CLSTN2: variants seen among roughly 807,000 people sequenced by gnomAD.
CLSTN2 encodes the protein calsyntenin-2.
A neutral mutation model predicts 101.2 loss-of-function variants in CLSTN2; 48 were observed. That is an observed-to-expected ratio of 0.47 (90% confidence interval 0.38 to 0.60). CLSTN2 has a LOEUF of 0.60. Among genes scored for constraint, CLSTN2 ranks in the 20% least tolerant of loss-of-function variants. The pLI is 0.00. For synonymous variants in CLSTN2, 481 were observed against 463.6 expected (o/e 1.04, Z -0.48); for missense variants, 1,160 against 1,238.2 (o/e 0.94, Z 0.95).
intron 2 of CLSTN2, among the ~76,000 whole-genome samples, chr3:140,318,883 CA>C (rs1216917237): frequency 4.6e-5 from 7 of 152,168 alleles, no homozygotes; most frequent in Non-Finnish European, 7.3e-5. Flanking sequence ...ATCCATCCTG[CA>C]AAACAATCTG....
intron 1 of CLSTN2, among the ~76,000 whole-genome samples, chr3:140,037,303 A>G (rs2007673194): frequency 6.6e-6 from 1 of 152,188 alleles, no homozygotes; most frequent in Non-Finnish European, 1.5e-5. Flanking sequence ...TACTTCCTCC[A>G]TAAATATGTA....
intron 2 of CLSTN2, among the ~76,000 whole-genome samples, chr3:140,358,595 G>GGGTC (rs2087697392): frequency 1.1e-4 from 16 of 152,172 alleles, no homozygotes; most frequent in Admixed American, 9.2e-4. Flanking sequence ...TTGCATATTT[G>GGGTC]AATCTCTGCA....
At chr3:140,065,893 A>G (rs930637605) in intron 1 of CLSTN2, among the ~76,000 whole-genome samples, 1 of 152,200 alleles carries the variant, frequency 6.6e-6, no homozygotes, top group Non-Finnish European at 1.5e-5. Context: ...TTAATTTAAT[A>G]TGATCTGCCC....
At chr3:140,299,426 A>G (rs1233722524) in intron 2 of CLSTN2, among the ~76,000 whole-genome samples, 2 of 152,240 alleles carry the variant, frequency 1.3e-5, no homozygotes, top group African/African-American at 4.8e-5. Flanking sequence ...TAATCATAAC[A>G]TGCATATACT....
intron 8 of CLSTN2, among the ~76,000 whole-genome samples, chr3:140,502,249 G>A (rs924138170): frequency 2.0e-5 from 3 of 152,206 alleles, no homozygotes; most frequent in Non-Finnish European, 4.4e-5. Flanking sequence ...TGACCTGAAA[G>A]TCAACTAATT....
intron 2 of CLSTN2, among the ~76,000 whole-genome samples, chr3:140,361,046 G>A (rs776079782): frequency 1.3e-5 from 2 of 152,082 alleles, no homozygotes; most frequent in Non-Finnish European, 2.9e-5. Context: ...GTCAAACAAA[G>A]GCATCACAAG....
intron 2 of CLSTN2, among the ~76,000 whole-genome samples, chr3:140,270,730 A>T (rs931623414): frequency 3.3e-5 from 5 of 152,164 alleles, no homozygotes; most frequent in Admixed American, 2.6e-4. Flanking sequence ...CCACAAGGAC[A>T]CTCAGCATTT....
intron 1 of CLSTN2, among the ~76,000 whole-genome samples, chr3:140,045,644 T>C (rs2007861939): frequency 1.3e-5 from 2 of 152,244 alleles, no homozygotes; most frequent in Admixed American, 1.3e-4. Context: ...TGCTTTCTCT[T>C]GTGGGCATTT....
chr3:140,073,684 C>G (rs566995876), intron 1 of CLSTN2, among the ~76,000 whole-genome samples: 3 of 152,216 alleles, frequency 2.0e-5, no homozygotes, highest in African/African-American at 7.2e-5. Flanking sequence ...GGACACTTAG[C>G]TGTAGGTGTT....
At chr3:139,999,623 T>G (rs1180610750) in intron 1 of CLSTN2, among the ~76,000 whole-genome samples, 1 of 152,120 alleles carries the variant, frequency 6.6e-6, no homozygotes, top group African/African-American at 2.4e-5. Flanking sequence ...TGGGACCAAT[T>G]AAAATAATGT....
intron 1 of CLSTN2, among the ~76,000 whole-genome samples, chr3:139,985,038 T>C (rs202243711): frequency 1.3e-5 from 2 of 152,176 alleles, no homozygotes; most frequent in Non-Finnish European, 1.5e-5. Flanking sequence ...CCCATTTCTC[T>C]CCATCTCCAC....
intron 2 of CLSTN2, among the ~76,000 whole-genome samples, chr3:140,352,222 TA>T (rs2087616132): frequency 6.6e-6 from 1 of 152,262 alleles, no homozygotes; most frequent in African/African-American, 2.4e-5. Context: ...TTATCATTAC[TA>T]TTCTTTATCA....
At chr3:140,111,623 C>G (rs988717478) in intron 1 of CLSTN2, among the ~76,000 whole-genome samples, 7 of 152,082 alleles carry the variant, frequency 4.6e-5, no homozygotes, top group Admixed American at 3.9e-4. Context: ...AGCTCCTGAT[C>G]GACAACACAT....
chr3:140,385,176 G>A (rs1229398673), intron 2 of CLSTN2, among the ~76,000 whole-genome samples: 1 of 152,106 alleles, frequency 6.6e-6, no homozygotes, highest in African/African-American at 2.4e-5. Context: ...AGACTAAGCA[G>A]TGTATCCAGC....
chr3:140,189,412 G>A (rs1369173197), intron 2 of CLSTN2, among the ~76,000 whole-genome samples: 1 of 152,118 alleles, frequency 6.6e-6, no homozygotes, highest in Admixed American at 6.5e-5. Flanking sequence ...ACCAGCATTT[G>A]ATCTTGTCGC....
chr3:140,464,661 C>T lies in CLSTN2; in HGVS notation c.1223-1949C>T, dbSNP rs145502970. On this transcript the variant is annotated intron_variant, in intron 7 of 16. Coordinates refer to ENST00000458420, the MANE Select transcript of CLSTN2 (RefSeq NM_022131.3). ...TCTTGTTCCACCTCCTTAGCCCCAA[C>T]CTCTCCTAACTCCAAATAAAACTAA... Among the ~76,000 whole-genome samples the T allele has an allele frequency of 2.6e-5, 4 of 152,320 alleles. No individual in the cohort carries two copies. In the East Asian group the frequency reaches 7.7e-4, roughly 29 times the overall value.
chr3:140,113,140 T>G (rs942788717), intron 1 of CLSTN2, among the ~76,000 whole-genome samples: 14 of 152,184 alleles, frequency 9.2e-5, no homozygotes, highest in African/African-American at 3.1e-4. Flanking sequence ...GATGGAATTT[T>G]ACACCATGGA....
chr3:140,564,925 G>T (rs572356069), intron 16 of CLSTN2, among the ~76,000 whole-genome samples: 2 of 152,282 alleles, frequency 1.3e-5, no homozygotes, highest in South Asian at 4.2e-4. Flanking sequence ...GAAAAGGTAG[G>T]GGAAGATGAT....
intron 1 of CLSTN2, among the ~76,000 whole-genome samples, chr3:140,060,320 A>G (rs1417654455): frequency 6.6e-6 from 1 of 152,126 alleles, no homozygotes; most frequent in Non-Finnish European, 1.5e-5. Context: ...CTCATGGAGT[A>G]GGGGCTGGGG....
Sources: allele counts gnomAD v4.1 joint callset (sites outside exome capture counted in the v4.1 genomes callset), GRCh38; gene constraint gnomAD v4.1.1; transcripts MANE v1.5; gene names NCBI Gene and HGNC (gene_info 2026-07-23, HGNC 2026-07-21).